Variants in USP31 observed in about 807,000 individuals in gnomAD.
The protein encoded by USP31 is ubiquitin specific peptidase 31, also known as ubiquitin carboxyl-terminal hydrolase 31.
USP31 carries 44 observed loss-of-function variants against 119.4 expected under a neutral mutation model. The observed-to-expected ratio is 0.37, with a 90% CI of 0.29 to 0.47. The LOEUF (loss-of-function observed/expected upper bound fraction) is 0.47. Ranked by LOEUF, USP31 falls within the 20% of genes least tolerant of loss-of-function variation. The probability of loss-of-function intolerance (pLI) is 0.99; values close to 1 mark genes in which losing one functional copy is unlikely to be tolerated. For missense variants in USP31, 1,643 were observed against 1,730.2 expected, an observed-to-expected ratio of 0.95 and a Z score of 0.89; for synonymous variants, 749 against 705.6, an observed-to-expected ratio of 1.06 and a Z score of -0.97.
At position 23,106,203 on chromosome 16, in the gene USP31, C is replaced by T. The variant is rs80041881; in HGVS notation, c.953+10G>A. Reference sequence around the variant, plus strand: ...AAATACAGTCTTCATTTTACTAAATCCATTCTTACCTTGTGTGGGGCAGAG... The same window carrying T: ...AAATACAGTCTTCATTTTACTAAATTCATTCTTACCTTGTGTGGGGCAGAG... On this transcript the variant is annotated intron_variant, in intron 4 of 15. Coordinates refer to ENST00000219689, the MANE Select transcript of USP31 (RefSeq NM_020718.4). 7.4e-3 allele frequency: 11,866 copies of T among 1,614,034 alleles called. 73 individuals are homozygous for T. The highest frequency in any genetic ancestry group is 8.8e-3 in the Non-Finnish European group (10,382 of 1,179,970).
Position 23,149,396 on chromosome 16 carries a change from A to G in USP31, c.-126T>C. ...GGGGCTCGACGCCCCACACACCTCA[A>G]AGCGCAGCCGAGCCAGCGAGCGAGC... On this transcript the variant is annotated 5_prime_UTR_variant, in exon 1 of 16. Transcript: ENST00000219689. 1.1e-6 allele frequency: 1 copy of G among 893,680 alleles called. No individual in the cohort carries two copies. The highest frequency in any genetic ancestry group is 1.3e-6 in the Non-Finnish European group (1 of 748,528). 55.4% of individuals were successfully genotyped at this position (893,680 alleles called of 1,614,324 possible).
At chr16:23,112,643 T>C (rs1245756686) in intron 1 of USP31, among the ~76,000 whole-genome samples, 2 of 152,208 alleles carry the variant, frequency 1.3e-5, no homozygotes, top group Non-Finnish European at 2.9e-5. Flanking sequence ...CTTATGGCCT[T>C]ATGTTCCCCT....
At chr16:23,093,808 C>T (rs184337426) in intron 6 of USP31, among the ~76,000 whole-genome samples, 2 of 152,236 alleles carry the variant, frequency 1.3e-5, no homozygotes, top group Admixed American at 6.5e-5. Flanking sequence ...AGTGGATAAA[C>T]AAAATGTGGT....
At chr16:23,090,547 C>T (rs1901310877) in intron 7 of USP31, 77 bp downstream of exon 7, 1 of 1,376,146 alleles carries the variant, frequency 7.3e-7, no homozygotes, top group Admixed American at 2.4e-5. Context: ...GAACTTTTTG[C>T]CCATGCTTTT....
At position 23,148,758 on chromosome 16, in the gene USP31, G is replaced by C. The variant is rs767047417; in HGVS notation, c.513C>G (p.Asp171Glu). The change falls in exon 1 of 16, where the codon GAC becomes GAG. Residue 171 changes from aspartate to glutamate, a missense_variant. Coordinates refer to ENST00000219689, the MANE Select transcript of USP31 (RefSeq NM_020718.4). Reference protein sequence around the residue: ...YRAGRPEPSPDPEQPAGRGAQ... With the variant: ...YRAGRPEPSPEPEQPAGRGAQ... ...CGCCGCGGCCCGCAGGCTGCTCCGGGTCAGGCGAGGGCTCGGGCCGCCCCG... is the reference window on the plus strand; with the variant it reads ...CGCCGCGGCCCGCAGGCTGCTCCGGCTCAGGCGAGGGCTCGGGCCGCCCCG... 1.8e-5 allele frequency: 27 copies of C among 1,516,788 alleles called. No individual in the cohort carries two copies. Among genetic ancestry groups the C allele is most frequent in the Non-Finnish European group, 2.4e-5 (27 of 1,137,544 alleles). The allele number at this position is 1,516,788 out of a possible 1,614,324, so 94.0% of individuals were successfully genotyped here. A position where few individuals can be genotyped will look rare whatever the true frequency, so the allele number is the denominator to read the frequency against.
chr16:23,070,832 T>C (rs1900315783), intron 15 of USP31, among the ~76,000 whole-genome samples: 1 of 152,192 alleles, frequency 6.6e-6, no homozygotes, highest in East Asian at 1.9e-4. Flanking sequence ...TTGTGATATT[T>C]ACAAAATTCT....
intron 15 of USP31, among the ~76,000 whole-genome samples, chr16:23,069,949 C>CT (rs1301116624): frequency 4.6e-5 from 7 of 152,250 alleles, no homozygotes; most frequent in Admixed American, 3.3e-4. Context: ...ACATTCAACT[C>CT]TGTCACTGCT....
At chr16:23,136,034 G>A (rs1903178616) in intron 1 of USP31, among the ~76,000 whole-genome samples, 1 of 152,138 alleles carries the variant, frequency 6.6e-6, no homozygotes, top group African/African-American at 2.4e-5. Flanking sequence ...ACAGAGTCAA[G>A]ATATAAACCC....
chr16:23,107,068 T>C (rs1902138745), intron 2 of USP31, among the ~76,000 whole-genome samples: 1 of 150,770 alleles, frequency 6.6e-6, no homozygotes. Flanking sequence ...GCCGAGACTG[T>C]GCCACTGCAC....
Position 23,069,386 on chromosome 16 carries a change from C to A in USP31, c.2719G>T (p.Val907Phe), listed in dbSNP as rs1311713505. Residue 907 changes from valine to phenylalanine, a missense_variant, in exon 16 of 16, where the codon GTC becomes TTC. Coordinates refer to ENST00000219689, the MANE Select transcript of USP31 (RefSeq NM_020718.4). ...AAGCTACCAAAGCAAGAGATGGAGA[C>A]CTTGTCATCTGCTGCCTCCCCAATC... The part of the protein sequence containing the change: ...EKIGEAADDK[V>F]SISCFGSLRN... 1 of 1,610,912 alleles carries A rather than the reference C, an allele frequency of 6.2e-7. No homozygotes were observed. The highest frequency in any genetic ancestry group is 1.7e-5 in the Admixed American group (1 of 59,942).
Position 23,069,029 on chromosome 16 carries a change from A to C in USP31, c.3076T>G (p.Ser1026Ala). Residue 1026 changes from serine to alanine, a missense_variant, in exon 16 of 16, where the codon TCC becomes GCC. Ser to Ala is a moderately conservative substitution (Grantham distance 99, BLOSUM62 1). Around this residue, in one of 5 missense-constraint regions of USP31, gnomAD observed 699 missense variants for 650.9 expected, o/e 1.07. Coordinates refer to ENST00000219689, the MANE Select transcript of USP31 (RefSeq NM_020718.4). ...TCAGAAGTGCCTTTGGAACTGGGGGATCTCTTAGTTGTGCTCTCTGGTTTC... is the reference window on the plus strand; with the variant it reads ...TCAGAAGTGCCTTTGGAACTGGGGGCTCTCTTAGTTGTGCTCTCTGGTTTC... Reference protein sequence around the residue: ...AKKPESTTKRSPSSKGTSEPE... With the variant: ...AKKPESTTKRAPSSKGTSEPE... The C allele has an allele frequency of 3.7e-6, 6 of 1,612,992 alleles. No individual in the cohort carries two copies. Among genetic ancestry groups the C allele is most frequent in the Non-Finnish European group, 5.1e-6 (6 of 1,179,958 alleles).
intron 1 of USP31, among the ~76,000 whole-genome samples, chr16:23,111,050 C>G (rs1346373646): frequency 6.6e-6 from 1 of 152,170 alleles, no homozygotes; most frequent in African/African-American, 2.4e-5. Flanking sequence ...ATGGCGTGAA[C>G]CCGGGAGGCA....
At position 23,082,471 on chromosome 16, in the gene USP31, A is replaced by G. The variant is rs1900875550; in HGVS notation, c.1917T>C (p.Asp639=). ...SITLSLWTLP[D]VLIIHLKRFR... ...ATCTCTTTAGATGTATAATAAGCAC[A>G]TCAGGCAGAGTCCAGAGGCTTAACG... The change falls in exon 12 of 16, where the codon GAT becomes GAC. Residue 639 remains aspartate, a synonymous_variant. Coordinates refer to ENST00000219689, the MANE Select transcript of USP31 (RefSeq NM_020718.4). 1.2e-6 allele frequency: 2 copies of G among 1,614,106 alleles called. No homozygotes were observed. Among genetic ancestry groups the G allele is most frequent in the South Asian group, 1.1e-5 (1 of 91,092 alleles).
chr16:23,106,404 T>C lies in USP31; in HGVS notation c.855A>G (p.Gln285=), dbSNP rs745339109. ...AACATCCGATTTTCTCATACCTGTA[T>C]TGCGCTTGAAAGAGTTCTTGTACAA... The part of the protein sequence containing the change: ...STFVQELFQA[Q]YRSSLTCPHC... The change falls in exon 3 of 16, where the codon CAA becomes CAG. Residue 285 remains glutamine (Q), a synonymous_variant. Coordinates refer to ENST00000219689, the MANE Select transcript of USP31 (RefSeq NM_020718.4). The C allele has an allele frequency of 7.4e-6, 12 of 1,613,676 alleles. No homozygotes were observed. The South Asian group carries it at 1.1e-4, about 15-fold the overall frequency.
intron 13 of USP31, 115 bp downstream of exon 13, chr16:23,079,831 T>C (rs1471468177): frequency 8.3e-6 from 8 of 959,984 alleles, no homozygotes; most frequent in African/African-American, 1.7e-5. Flanking sequence ...GCCCTCACAG[T>C]TGGCACACTG....
At chr16:23,076,871 G>C (rs184704997) in intron 13 of USP31, among the ~76,000 whole-genome samples, 3 of 152,300 alleles carry the variant, frequency 2.0e-5, no homozygotes, top group Non-Finnish European at 2.9e-5. Context: ...GAAGTTAAAT[G>C]ACCTCCACAT....
chr16:23,118,549 G>A (rs1340991795), intron 1 of USP31, among the ~76,000 whole-genome samples: 1 of 152,014 alleles, frequency 6.6e-6, no homozygotes, highest in Non-Finnish European at 1.5e-5. Context: ...ACTTCCAAAA[G>A]CACCAAAACT....
At chr16:23,141,672 T>C (rs1278846871) in intron 1 of USP31, among the ~76,000 whole-genome samples, 1 of 152,234 alleles carries the variant, frequency 6.6e-6, no homozygotes. Flanking sequence ...CCACCATGTC[T>C]GGCCTACTGT....
rs980437808 is a variant in USP31, at chr16:23,068,213, G to T, written c.3892C>A (p.Pro1298Thr). The T allele has an allele frequency of 1.1e-5, 18 of 1,614,144 alleles. No individual in the cohort carries two copies. The highest frequency in any genetic ancestry group is 1.4e-5 in the Non-Finnish European group (16 of 1,180,038). ...AGCAGGGAATGTTTGGCAGAAGCAG[G>T]GTCCTTGGTGACAAGCTGCTCTTTT... is the stretch of plus-strand genomic sequence containing the variant. The part of the protein sequence containing the change: ...TGKEQLVTKD[P>T]ASAKHSLLSA... The change falls in exon 16 of 16, where the codon CCT becomes ACT. Residue 1298 changes from proline (P) to threonine (T), a missense_variant. Physicochemically the swap from Pro to Thr is conservative, Grantham distance 38. Transcript: ENST00000219689.
Sources: allele counts gnomAD v4.1 joint callset (sites outside exome capture counted in the v4.1 genomes callset), GRCh38; gene constraint gnomAD v4.1.1; regional missense constraint gnomAD v4.1.1; transcripts MANE v1.5; gene names NCBI Gene and HGNC (gene_info 2026-07-23, HGNC 2026-07-21).